CAST: variants seen among roughly 807,000 people sequenced by gnomAD.
The protein encoded by CAST is calpastatin, also known as MIR583 host.
Under a neutral mutation model 119.6 loss-of-function variants are expected in CAST, and 76 were observed. That is an observed-to-expected ratio of 0.64 (90% CI 0.53 to 0.77). The LOEUF (loss-of-function observed/expected upper bound fraction) is 0.77. Among genes scored for constraint, CAST ranks in the 30% least tolerant of loss-of-function variants. CAST has a pLI of 0.00. For synonymous variants in CAST, 319 were observed against 331.6 expected, an observed-to-expected ratio of 0.96 and a Z score of 0.41; for missense variants, 953 against 946.5, an observed-to-expected ratio of 1.01 and a Z score of -0.09.
At chr5:96,535,978 T>C (rs1745803647) in intron 1 of CAST, among the ~76,000 whole-genome samples, 1 of 151,924 alleles carries the variant, frequency 6.6e-6, no homozygotes, top group East Asian at 1.9e-4. Flanking sequence ...AGCCCTTTAG[T>C]ACATTTAAAT....
the CAST span, among the ~76,000 whole-genome samples, chr5:96,093,637 G>A: frequency 6.6e-6 from 1 of 152,214 alleles, no homozygotes; most frequent in African/African-American, 2.4e-5. Context: ...TATCTTAACA[G>A]AGGCCTGTTT....
At chr5:96,266,360 G>T in the CAST span, among the ~76,000 whole-genome samples, 43 of 152,240 alleles carry the variant, frequency 2.8e-4, no homozygotes, top group African/African-American at 9.1e-4. Flanking sequence ...AACTTTCCCT[G>T]CTTGAACCCA....
the CAST span, among the ~76,000 whole-genome samples, chr5:96,388,493 A>G: frequency 6.6e-6 from 1 of 152,218 alleles, no homozygotes; most frequent in African/African-American, 2.4e-5. Context: ...GTGCAAGCAC[A>G]TTTGAGGCCT....
upstream of CAST, chr5:96,525,363 T>C (rs1350869065): frequency 6.6e-6 from 1 of 152,186 alleles, no homozygotes; most frequent in Non-Finnish European, 1.5e-5. Flanking sequence ...CAGATTTATA[T>C]GCCAGAGCCA....
chr5:96,524,458 A>T (rs1745567595), upstream of CAST, among the ~76,000 whole-genome samples: 1 of 152,116 alleles, frequency 6.6e-6, no homozygotes, highest in East Asian at 1.9e-4. Context: ...GGGGTCAGGG[A>T]CTCAGCATTC....
At chr5:96,663,760 GAGAC>G (rs1748922059) in intron 1 of CAST, among the ~76,000 whole-genome samples, 2 of 152,112 alleles carry the variant, frequency 1.3e-5, no homozygotes, top group South Asian at 2.1e-4. Context: ...GAGGGAGAGA[GAGAC>G]AGCGCGCACA....
At chr5:96,010,469 A>G in the CAST span, among the ~76,000 whole-genome samples, 1 of 151,948 alleles carries the variant, frequency 6.6e-6, no homozygotes, top group Non-Finnish European at 1.5e-5. Flanking sequence ...CCACCACCAC[A>G]CCTGGCTAAT....
the CAST span, among the ~76,000 whole-genome samples, chr5:95,981,898 A>T: frequency 1.3e-5 from 2 of 152,068 alleles, no homozygotes; most frequent in South Asian, 4.1e-4. Context: ...AAAGCATTTT[A>T]TTTGGAAATA....
At chr5:96,084,748 T>C in the CAST span, among the ~76,000 whole-genome samples, 1 of 152,192 alleles carries the variant, frequency 6.6e-6, no homozygotes. Context: ...AATGTTCATA[T>C]TCCAGGGAGA....
chr5:96,589,993 G>A (rs1262219393), intron 1 of CAST, among the ~76,000 whole-genome samples: 1 of 152,162 alleles, frequency 6.6e-6, no homozygotes, highest in Non-Finnish European at 1.5e-5. Context: ...CTGAACCAAG[G>A]CAGATTTAGT....
chr5:96,210,240 TC>T, the CAST span: 2 of 152,006 alleles, frequency 1.3e-5, no homozygotes, highest in Admixed American at 1.3e-4. Flanking sequence ...ATCTAAGAAT[TC>T]TTTGCCTACA....
chr5:96,748,658 C>A, intron 19 of CAST, 45 bp downstream of exon 19: 1 of 964,388 alleles, frequency 1.0e-6, no homozygotes, highest in South Asian at 1.4e-5. Context: ...GGTTTGTGAT[C>A]TTAAAAAAAA....
chr5:96,063,025 C>A, the CAST span, among the ~76,000 whole-genome samples: 1 of 152,128 alleles, frequency 6.6e-6, no homozygotes. Context: ...CTCACATAAA[C>A]TTCTGCAGGA....
chr5:96,592,006 T>A (rs563977323), intron 1 of CAST, among the ~76,000 whole-genome samples: 1 of 152,214 alleles, frequency 6.6e-6, no homozygotes, highest in South Asian at 2.1e-4. Flanking sequence ...AAGAGAATAA[T>A]AGAATATAGA....
intron 1 of CAST, among the ~76,000 whole-genome samples, chr5:96,617,505 G>A (rs1235728315): frequency 5.9e-5 from 9 of 151,972 alleles, no homozygotes; most frequent in Non-Finnish European, 8.8e-5. Flanking sequence ...AAAACTCTTA[G>A]GAGGCCGGGC....
At chr5:96,098,888 T>C in the CAST span, among the ~76,000 whole-genome samples, 1 of 152,128 alleles carries the variant, frequency 6.6e-6, no homozygotes, top group African/African-American at 2.4e-5. Context: ...ATAGGAATAG[T>C]GTTGGATCTA....
At chr5:96,565,177 C>T (rs949142204) in intron 1 of CAST, among the ~76,000 whole-genome samples, 2 of 151,276 alleles carry the variant, frequency 1.3e-5, no homozygotes, top group African/African-American at 4.9e-5. Flanking sequence ...AATTTTCCCA[C>T]ACTAAAAAAA....
chr5:96,159,470 G>A, the CAST span, among the ~76,000 whole-genome samples: 14 of 152,162 alleles, frequency 9.2e-5, no homozygotes, highest in African/African-American at 3.1e-4. Context: ...ATGATGAAAC[G>A]ATGTACAAAG....
At chr5:96,220,131 A>G in the CAST span, among the ~76,000 whole-genome samples, 1 of 152,174 alleles carries the variant, frequency 6.6e-6, no homozygotes, top group South Asian at 2.1e-4. Context: ...AGTCCTGGCT[A>G]ATGGGACGTG....
Sources: allele counts gnomAD v4.1 joint callset (sites outside exome capture counted in the v4.1 genomes callset), GRCh38; gene constraint gnomAD v4.1.1; transcripts MANE v1.5; gene names NCBI Gene and HGNC (gene_info 2026-07-23, HGNC 2026-07-21).